Variants in RELN observed in about 807,000 individuals in gnomAD.
RELN encodes reelin.
In RELN, 108 loss-of-function variants were observed where a neutral mutation model predicts 427.6. The ratio of observed to expected loss-of-function variants is 0.25; its 90% confidence interval spans 0.22 to 0.30. The LOEUF (loss-of-function observed/expected upper bound fraction) is 0.30, where lower values mean the gene tolerates loss of function less well. RELN is among the 10% of genes least tolerant of loss of function. RELN has a pLI of 1.00. For missense variants in RELN, 3,715 were observed against 4,302.8 expected (o/e 0.86, Z 3.82); for synonymous variants, 1,524 against 1,513.4 (o/e 1.01, Z -0.16).
rs184485106 is a variant in RELN, at chr7:103,625,609, C to T, written c.2702+4331G>A. 1.1e-3 allele frequency among the ~76,000 whole-genome samples: 170 copies of T among 152,070 alleles called. 1 individual carries two copies. Among genetic ancestry groups the T allele is most frequent in the African/African-American group, 2.2e-3 (91 of 41,490 alleles). On this transcript the variant is annotated intron_variant, in intron 20 of 64. Coordinates refer to ENST00000428762, the MANE Select transcript of RELN (RefSeq NM_005045.4). ...TATCTATGATCTCATTTAATCTTTA[C>T]GACAATTTTGAGAGTAAGTATCATT... is the stretch of plus-strand genomic sequence containing the variant.
chr7:103,936,654 C>T (rs1054250474), intron 1 of RELN, among the ~76,000 whole-genome samples: 3 of 151,452 alleles, frequency 2.0e-5, no homozygotes, highest in African/African-American at 4.9e-5. Context: ...ACTTTTCCCT[C>T]CCCCAACTTT....
At chr7:103,681,196 C>A (rs1833645556) in intron 11 of RELN, among the ~76,000 whole-genome samples, 2 of 152,078 alleles carry the variant, frequency 1.3e-5, no homozygotes, top group South Asian at 2.1e-4. Context: ...GAATGGAGTT[C>A]TTGGGCAAGG....
chr7:103,565,654 C>A, intron 33 of RELN, 103 bp from the exon 34 acceptor site: 2 of 1,154,148 alleles, frequency 1.7e-6, no homozygotes, highest in South Asian at 2.7e-5. Context: ...AAAATCATGG[C>A]CTATCTTTAG....
intron 46 of RELN, among the ~76,000 whole-genome samples, chr7:103,527,081 T>C (rs998679470): frequency 1.3e-5 from 2 of 152,044 alleles, no homozygotes; most frequent in Non-Finnish European, 2.9e-5. Flanking sequence ...AATAGTACGG[T>C]TCCCCTCACT....
At chr7:103,976,905 A>G (rs1796890003) in intron 1 of RELN, among the ~76,000 whole-genome samples, 1 of 151,744 alleles carries the variant, frequency 6.6e-6, no homozygotes. Flanking sequence ...TACAAAAATG[A>G]GTGGGGTATG....
intron 1 of RELN, among the ~76,000 whole-genome samples, chr7:103,925,280 C>A (rs1244231142): frequency 6.6e-6 from 1 of 151,934 alleles, no homozygotes; most frequent in Non-Finnish European, 1.5e-5. Context: ...ATTTTTAGCC[C>A]CAACTGCACT....
intron 6 of RELN, among the ~76,000 whole-genome samples, chr7:103,735,111 G>A (rs1301057514): frequency 6.6e-6 from 1 of 151,884 alleles, no homozygotes; most frequent in Non-Finnish European, 1.5e-5. Flanking sequence ...ATAAAGACTG[G>A]TACTTGCTGA....
At position 103,557,146 on chromosome 7, in the gene RELN, T is replaced by C. The variant is rs1830542299; in HGVS notation, c.5628A>G (p.Arg1876=). Residue 1876 remains arginine (R), a synonymous_variant, in exon 38 of 65, where the codon AGA becomes AGG. Transcript: ENST00000428762. ...AGAATTGTAACAGAATAGAGTGAGA[T>C]CTCTCTGGGGTACCTAGGAAGAAGA... ...LRFIAKSTPE[R]SHSILLQFSI... 3 of 1,612,746 alleles carry C rather than the reference T, an allele frequency of 1.9e-6. No individual in the cohort carries two copies. Among genetic ancestry groups the C allele is most frequent in the Admixed American group, 1.7e-5 (1 of 59,982 alleles).
chr7:103,873,987 A>C (rs1412677121), intron 2 of RELN, among the ~76,000 whole-genome samples: 2 of 144,078 alleles, frequency 1.4e-5, no homozygotes, highest in Non-Finnish European at 3.1e-5. Context: ...ATCCAGCAGC[A>C]CATCAAAAAG....
chr7:103,807,901 G>T (rs1056454527), intron 3 of RELN, among the ~76,000 whole-genome samples: 11 of 151,978 alleles, frequency 7.2e-5, no homozygotes, highest in Non-Finnish European at 1.3e-4. Context: ...CCCATAACAG[G>T]CCCTCATCCC....
rs114778826 is a variant in RELN, at chr7:103,953,372, A to G, written c.226+35759T>C. 5.0e-3 allele frequency among the ~76,000 whole-genome samples: 769 copies of G among 152,306 alleles called. 6 individuals are homozygous for G. The highest frequency in any genetic ancestry group is 0.018 in the African/African-American group (729 of 41,570). ...TTGCACTCTCTGCCACAGACCATCA[A>G]GAAGACTCAAGACAACTCAGATAAC... On this transcript the variant is annotated intron_variant, in intron 1 of 64. Transcript: ENST00000428762. This position sits in a 1 kb window ranked among gnomAD's most constrained non-coding sequence, Gnocchi z 4.3.
At chr7:103,714,731 C>A (rs1006843717) in intron 8 of RELN, among the ~76,000 whole-genome samples, 1 of 152,110 alleles carries the variant, frequency 6.6e-6, no homozygotes, top group Non-Finnish European at 1.5e-5. Context: ...GTTACTGTAT[C>A]GGATAATGCT....
intron 5 of RELN, among the ~76,000 whole-genome samples, chr7:103,751,745 C>T (rs2116077484): frequency 6.6e-6 from 1 of 152,304 alleles, no homozygotes; most frequent in East Asian, 1.9e-4. Flanking sequence ...AGAGGAGCCC[C>T]AAGCTGTAGC....
intron 3 of RELN, among the ~76,000 whole-genome samples, chr7:103,784,711 G>T (rs1464036488): frequency 6.6e-6 from 1 of 152,114 alleles, no homozygotes; most frequent in Non-Finnish European, 1.5e-5. Flanking sequence ...TTATTAGTCT[G>T]CTTTAGGTGC....
intron 7 of RELN, 112 bp downstream of exon 7, chr7:103,727,999 A>G: frequency 2.1e-6 from 2 of 971,770 alleles, no homozygotes; most frequent in Admixed American, 4.0e-5. Context: ...TAGGACTCAT[A>G]AATCATATTT....
At chr7:103,561,286 T>C (rs1830635585) in intron 36 of RELN, among the ~76,000 whole-genome samples, 1 of 152,224 alleles carries the variant, frequency 6.6e-6, no homozygotes, top group Non-Finnish European at 1.5e-5. Flanking sequence ...TAAATTTATG[T>C]ATATAATTCC....
chr7:103,864,665 G>T (rs571600954), intron 2 of RELN, among the ~76,000 whole-genome samples: 1 of 152,118 alleles, frequency 6.6e-6, no homozygotes, highest in East Asian at 1.9e-4. Context: ...TAAGGAACTA[G>T]AAAAAGGGCA....
chr7:103,811,490 G>A (rs185584344), intron 3 of RELN, among the ~76,000 whole-genome samples: 76 of 152,264 alleles, frequency 5.0e-4, no homozygotes, highest in Middle Eastern at 3.4e-3. Flanking sequence ...TTGCAGAGCC[G>A]TGTCGCTGTG....
At chr7:103,851,321 T>A (rs1422850988) in intron 2 of RELN, among the ~76,000 whole-genome samples, 1 of 152,086 alleles carries the variant, frequency 6.6e-6, no homozygotes, top group Non-Finnish European at 1.5e-5. Context: ...ACAATGGACT[T>A]TGGGGACTTG....
Sources: allele counts gnomAD v4.1 joint callset (sites outside exome capture counted in the v4.1 genomes callset), GRCh38; gene constraint gnomAD v4.1.1; non-coding constraint Gnocchi (gnomAD v3.1); transcripts MANE v1.5; gene names NCBI Gene and HGNC (gene_info 2026-07-23, HGNC 2026-07-21).